The following KCNIP4 variants were observed in gnomAD, a reference collection of about 807,000 sequenced individuals.
The protein encoded by KCNIP4 is Kv channel-interacting protein 4.
A neutral mutation model predicts 34.0 loss-of-function variants in KCNIP4; 12 were observed. The observed-to-expected ratio is 0.35, with a 90% CI of 0.23 to 0.57. KCNIP4 has a LOEUF of 0.57. Ranked by LOEUF, KCNIP4 falls within the 20% of genes least tolerant of loss-of-function variation. The probability of loss-of-function intolerance (pLI) is 0.83; values close to 1 mark genes in which losing one functional copy is unlikely to be tolerated. For missense variants in KCNIP4, 238 were observed against 311.7 expected, an observed-to-expected ratio of 0.76 and a Z score of 1.78; for synonymous variants, 124 against 102.2, an observed-to-expected ratio of 1.21 and a Z score of -1.29.
intron 1 of KCNIP4, among the ~76,000 whole-genome samples, chr4:21,246,149 G>A (rs981783844): frequency 6.6e-6 from 1 of 152,160 alleles, no homozygotes; most frequent in Non-Finnish European, 1.5e-5. Context: ...AGTCACATTT[G>A]CAAGAGTAGT....
intron 1 of KCNIP4, among the ~76,000 whole-genome samples, chr4:21,943,327 T>A (rs943432568): frequency 7.2e-5 from 11 of 152,142 alleles, no homozygotes; most frequent in Non-Finnish European, 1.6e-4. Flanking sequence ...ATTTCAGATG[T>A]GTCTTGATGG....
intron 1 of KCNIP4, among the ~76,000 whole-genome samples, chr4:21,431,031 T>C (rs393183): frequency 9.2e-5 from 14 of 152,126 alleles, no homozygotes; most frequent in African/African-American, 3.4e-4. Flanking sequence ...TGTGCATTTC[T>C]TACCAGAACT....
intron 1 of KCNIP4, among the ~76,000 whole-genome samples, chr4:21,418,344 C>T (rs910732133): frequency 1.3e-5 from 2 of 151,994 alleles, no homozygotes; most frequent in African/African-American, 4.8e-5. Context: ...AAAAGGAACC[C>T]CAGTTAGTTG....
chr4:21,663,169 C>T (rs1291042738), intron 1 of KCNIP4, among the ~76,000 whole-genome samples: 1 of 152,070 alleles, frequency 6.6e-6, no homozygotes, highest in Non-Finnish European at 1.5e-5. Context: ...TGGTTTCTAA[C>T]TTACTAATAT....
At chr4:21,015,740 A>G (rs1219838856) in intron 1 of KCNIP4, among the ~76,000 whole-genome samples, 6 of 135,840 alleles carry the variant, frequency 4.4e-5, no homozygotes, top group Non-Finnish European at 9.2e-5. Flanking sequence ...GATATATATT[A>G]TATAATATGA....
At chr4:20,972,202 T>A (rs1028166910) in intron 1 of KCNIP4, among the ~76,000 whole-genome samples, 1 of 152,028 alleles carries the variant, frequency 6.6e-6, no homozygotes, top group Non-Finnish European at 1.5e-5. Flanking sequence ...CAAACTCCTG[T>A]TAGTGTTATT....
At chr4:20,926,031 C>G (rs975756081) in intron 1 of KCNIP4, among the ~76,000 whole-genome samples, 35 of 152,158 alleles carry the variant, frequency 2.3e-4, no homozygotes, top group Admixed American at 2.1e-3. Context: ...TTTGAGACTC[C>G]GAGAAGGAAA....
intron 3 of KCNIP4, among the ~76,000 whole-genome samples, chr4:20,815,829 GT>G (rs1243440538): frequency 6.6e-6 from 1 of 152,164 alleles, no homozygotes; most frequent in Non-Finnish European, 1.5e-5. Context: ...ATTTTCTACG[GT>G]TTTGTAGTGA....
chr4:21,086,248 T>C (rs1220436812), intron 1 of KCNIP4, among the ~76,000 whole-genome samples: 1 of 152,184 alleles, frequency 6.6e-6, no homozygotes, highest in African/African-American at 2.4e-5. Context: ...TTAATTAATA[T>C]TATTCTCTCA....
rs1370364069 is a variant in KCNIP4 at position 21,224,519 on chromosome 4, T to C, written c.62-341810A>G. Among the ~76,000 whole-genome samples, 4 of 148,040 alleles carry C rather than the reference T, an allele frequency of 2.7e-5. No homozygotes were observed. The East Asian group carries it at 8.0e-4, about 30-fold the overall frequency. On this transcript the variant is annotated intron_variant, in intron 1 of 8. Coordinates refer to ENST00000382152, the MANE Select transcript of KCNIP4 (RefSeq NM_025221.6). ...GGGTTGGACACAAACATTCCACCCA[T>C]AACAGTCCCCTTCACTCTACAGATA... is the stretch of plus-strand genomic sequence containing the variant.
intron 1 of KCNIP4, among the ~76,000 whole-genome samples, chr4:21,291,853 CAAAA>C (rs754018961): frequency 0.011 from 285 of 26,124 alleles, 2 homozygotes; most frequent in Middle Eastern, 0.065. Flanking sequence ...GACTCCGCCT[CAAAA>C]AAAAAAAAAA....
intron 1 of KCNIP4, among the ~76,000 whole-genome samples, chr4:21,580,090 C>T (rs751822155): frequency 1.3e-5 from 2 of 152,034 alleles, no homozygotes; most frequent in Non-Finnish European, 2.9e-5. Context: ...TGTCTATATA[C>T]CACTGAATTT....
At chr4:21,621,561 T>C (rs914364273) in intron 1 of KCNIP4, among the ~76,000 whole-genome samples, 1 of 152,122 alleles carries the variant, frequency 6.6e-6, no homozygotes, top group African/African-American at 2.4e-5. Flanking sequence ...TATCACCATG[T>C]TGCCCAGGCT....
intron 1 of KCNIP4, among the ~76,000 whole-genome samples, chr4:21,406,433 C>T (rs1465754912): frequency 1.3e-5 from 2 of 152,148 alleles, no homozygotes; most frequent in African/African-American, 2.4e-5. Context: ...CACTAGTAAC[C>T]ACTGTGTTCC....
chr4:21,877,402 T>C (rs1379794822), intron 1 of KCNIP4, among the ~76,000 whole-genome samples: 2 of 152,042 alleles, frequency 1.3e-5, no homozygotes, highest in Admixed American at 1.3e-4. Context: ...TGAGTTACCA[T>C]TGTCATTAAA....
intron 1 of KCNIP4, among the ~76,000 whole-genome samples, chr4:20,908,322 A>G (rs1231323770): frequency 2.0e-5 from 3 of 151,550 alleles, no homozygotes; most frequent in African/African-American, 4.8e-5. Flanking sequence ...CTGGTCTCGA[A>G]CTCCTGACCT....
At chr4:21,477,298 T>A (rs1021692378) in intron 1 of KCNIP4, among the ~76,000 whole-genome samples, 5 of 152,194 alleles carry the variant, frequency 3.3e-5, no homozygotes, top group Non-Finnish European at 7.3e-5. Context: ...GGATTGTGCC[T>A]GACAGACACC....
chr4:21,846,400 T>C (rs887606240), intron 1 of KCNIP4: 2 of 152,102 alleles, frequency 1.3e-5, no homozygotes, highest in African/African-American at 4.8e-5. Flanking sequence ...AGAGTACAGC[T>C]AGACTTCCTG....
intron 1 of KCNIP4, among the ~76,000 whole-genome samples, chr4:21,385,467 T>C (rs752346475): frequency 3.7e-4 from 56 of 152,174 alleles, no homozygotes; most frequent in Non-Finnish European, 7.3e-4. Flanking sequence ...AATGCCTGTA[T>C]TTGAATCCTC....
Sources: gnomAD v4.1 joint callset for allele counts (sites outside exome capture counted in the v4.1 genomes callset) on GRCh38, gnomAD v4.1.1 for gene constraint, MANE v1.5 for transcripts, NCBI Gene and HGNC (gene_info 2026-07-23, HGNC 2026-07-21) for gene names.